The following VPS13D variants were observed in gnomAD, a reference collection of about 807,000 sequenced individuals.
VPS13D encodes the protein intermembrane lipid transfer protein VPS13D.
In VPS13D, 187 loss-of-function variants were observed where a neutral mutation model predicts 461.9. The ratio of observed to expected loss-of-function variants is 0.40; its 90% CI spans 0.36 to 0.46. VPS13D has a LOEUF of 0.46. VPS13D is among the 20% of genes least tolerant of loss of function. The probability of loss-of-function intolerance (pLI) is 0.60; values close to 1 mark genes in which losing one functional copy is unlikely to be tolerated. For synonymous variants in VPS13D, 1,951 were observed against 1,986.3 expected, an observed-to-expected ratio of 0.98 and a Z score of 0.47; for missense variants, 4,711 against 5,364.9, an observed-to-expected ratio of 0.88 and a Z score of 3.81.
rs1465065848 is a variant in VPS13D at position 12,368,519 on chromosome 1, A to G, written c.10500A>G (p.Gly3500=). 5.0e-6 allele frequency: 8 copies of G among 1,613,830 alleles called. No homozygotes were observed. The East Asian group carries it at 1.3e-4, about 27-fold the overall frequency. The part of the protein sequence containing the change: ...FFLRVEITLR[G]ATYRISFSDT... ...TACGAGTGGAAATTACTCTCCGAGG[A>G]GCTACGTATAGGATCTCATTTAGTG... The change falls in exon 53 of 70, where the codon GGA becomes GGG. Residue 3500 remains glycine (G), a synonymous_variant. Transcript: ENST00000620676.
chr1:12,300,289 C>T (rs1642388629), intron 25 of VPS13D, among the ~76,000 whole-genome samples: 1 of 146,772 alleles, frequency 6.8e-6, no homozygotes, highest in South Asian at 2.1e-4. Flanking sequence ...CTCACTGTGA[C>T]CTCCGTCTCC....
chr1:12,424,725 C>G (rs79917547), intron 65 of VPS13D, among the ~76,000 whole-genome samples: 1 of 152,132 alleles, frequency 6.6e-6, no homozygotes, highest in Non-Finnish European at 1.5e-5. Context: ...AGAAAAAGTT[C>G]AGAACTTCTT....
At chr1:12,381,498 C>G (rs1431599298) in intron 57 of VPS13D, among the ~76,000 whole-genome samples, 1 of 152,194 alleles carries the variant, frequency 6.6e-6, no homozygotes, top group Non-Finnish European at 1.5e-5. Flanking sequence ...CTAAATATGG[C>G]CTGAGAAGGA....
chr1:12,501,683 T>C (rs1166528556), intron 68 of VPS13D, among the ~76,000 whole-genome samples: 1 of 152,248 alleles, frequency 6.6e-6, no homozygotes, highest in Non-Finnish European at 1.5e-5. Context: ...ATTTCCTCTG[T>C]CCTCAGTGCG....
intron 67 of VPS13D, among the ~76,000 whole-genome samples, chr1:12,488,436 G>A (rs1260120053): frequency 6.6e-6 from 1 of 152,086 alleles, no homozygotes; most frequent in African/African-American, 2.4e-5. Context: ...TTCAGCCTGT[G>A]TTTGTCTTTT....
chr1:12,487,948 G>A (rs12562441), intron 67 of VPS13D, among the ~76,000 whole-genome samples: 8,215 of 152,256 alleles, frequency 0.054, 420 homozygotes, highest in African/African-American at 0.12. Context: ...GATATCTGGT[G>A]TAATTCATTG....
chr1:12,475,931 C>T (rs1386050441), intron 67 of VPS13D, among the ~76,000 whole-genome samples: 1 of 151,862 alleles, frequency 6.6e-6, no homozygotes, highest in Non-Finnish European at 1.5e-5. Context: ...TTGACAGAGG[C>T]ATTTTGTACA....
intron 60 of VPS13D, among the ~76,000 whole-genome samples, chr1:12,394,344 A>AT (rs1434005703): frequency 6.6e-6 from 1 of 152,114 alleles, no homozygotes; most frequent in African/African-American, 2.4e-5. Context: ...TAGGAACACC[A>AT]TGATTAATTA....
intron 65 of VPS13D, among the ~76,000 whole-genome samples, chr1:12,454,692 G>A (rs1570206141): frequency 1.3e-5 from 2 of 152,160 alleles, no homozygotes; most frequent in African/African-American, 2.4e-5. Flanking sequence ...TGTGTAACAC[G>A]CACCCTAACC....
intron 16 of VPS13D, among the ~76,000 whole-genome samples, chr1:12,269,653 G>A (rs1641376020): frequency 6.6e-6 from 1 of 152,118 alleles, no homozygotes; most frequent in African/African-American, 2.4e-5. Flanking sequence ...GCCTCCGTTT[G>A]TTCTCCAAGA....
At chr1:12,433,949 A>AGAGAGAGAGAGAGAGAGAGAGAGAGAGT (rs1553121770) in intron 65 of VPS13D, among the ~76,000 whole-genome samples, 13 of 144,922 alleles carry the variant, frequency 9.0e-5, no homozygotes, top group African/African-American at 3.3e-4. Context: ...AGAGAGAGAG[A>AGAGAGAGAGAGAGAGAGAGAGAGAGAGT]GTGTGTGTGT....
intron 16 of VPS13D, among the ~76,000 whole-genome samples, chr1:12,270,219 G>T (rs1381818943): frequency 6.6e-6 from 1 of 152,060 alleles, no homozygotes; most frequent in African/African-American, 2.4e-5. Flanking sequence ...CACTTTGGGA[G>T]GCTGAGGCAG....
At position 12,509,374 on chromosome 1, in the gene VPS13D, G is replaced by A. The variant is rs537338974; in HGVS notation, c.*350G>A. On this transcript the variant is annotated 3_prime_UTR_variant, in exon 70 of 70. Transcript: ENST00000620676. Reference sequence around the variant, plus strand: ...ATATATAGGAACGTTTCTGAACAGGGTCTGTGCTATGTGTAAAGGTTTGTT... The same window carrying A: ...ATATATAGGAACGTTTCTGAACAGGATCTGTGCTATGTGTAAAGGTTTGTT... 7.9e-4 allele frequency: 153 copies of A among 193,348 alleles called. No individual in the cohort carries two copies. The highest frequency in any genetic ancestry group is 1.6e-3 in the South Asian group (12 of 7,278). 12.0% of individuals were successfully genotyped at this position (193,348 alleles called of 1,614,324 possible). A position where few individuals can be genotyped will look rare whatever the true frequency, so the allele number is the denominator to read the frequency against.
rs745985643 is a variant in VPS13D, at chr1:12,327,813, G to T, written c.8156G>T (p.Cys2719Phe). 30 of 1,614,142 alleles carry T rather than the reference G, an allele frequency of 1.9e-5. No homozygotes were observed. The highest frequency in any genetic ancestry group is 2.5e-5 in the Non-Finnish European group (30 of 1,180,036). Residue 2719 changes from cysteine to phenylalanine, a missense_variant, in exon 36 of 70, where the codon TGC becomes TTC. Physicochemically the swap from Cys to Phe is radical, Grantham distance 205 (BLOSUM62 -2). Around this residue, in one of 3 missense-constraint regions of VPS13D, gnomAD observed 4,411 missense variants for 4,937.8 expected, o/e 0.89. Coordinates refer to ENST00000620676, the MANE Select transcript of VPS13D (RefSeq NM_015378.4). ...ESVCICFIDD[C>F]MDCDVPLAEL... is the part of the protein sequence containing the mutation. ...GTGTGCATCTGTTTCATCGATGACTGCATGGATTGTGATGTTCCTCTCGCT... is the reference window on the plus strand; with the variant it reads ...GTGTGCATCTGTTTCATCGATGACTTCATGGATTGTGATGTTCCTCTCGCT...
rs769477629 is a variant in VPS13D at position 12,288,265 on chromosome 1, C to G, written c.5677C>G (p.Leu1893Val). The G allele has an allele frequency of 6.2e-7, 1 of 1,614,124 alleles. No homozygotes were observed. The highest frequency in any genetic ancestry group is 8.5e-7 in the Non-Finnish European group (1 of 1,179,964). ...AGTGCTGAATAAGACCACCAGTGAG[C>G]TTGCCAAAGCAAATGTGTCCAAATT... ...SLVLNKTTSE[L>V]AKANVSKLVA... is the part of the protein sequence containing the mutation. Residue 1893 changes from leucine (L) to valine (V), a missense_variant, in exon 22 of 70, where the codon CTT (leucine) becomes GTT (valine). Around this residue, in one of 3 missense-constraint regions of VPS13D, gnomAD observed 4,411 missense variants for 4,937.8 expected, o/e 0.89. Transcript: ENST00000620676.
In VPS13D at chr1:12,378,539, G is replaced by C. The variant is rs370876913; in HGVS notation, c.11029G>C (p.Glu3677Gln). 2 of 1,610,908 alleles carry C rather than the reference G, an allele frequency of 1.2e-6. No individual in the cohort carries two copies. The highest frequency in any genetic ancestry group is 1.3e-5 in the African/African-American group (1 of 74,730). Residue 3677 changes from glutamate (E) to glutamine (Q), a missense_variant, in exon 56 of 70, where the codon GAG (glutamate) becomes CAG (glutamine). Physicochemically the swap from Glu to Gln is conservative, Grantham distance 29 (BLOSUM62 2). Coordinates refer to ENST00000620676, the MANE Select transcript of VPS13D (RefSeq NM_015378.4). ...TAAGCCCTCAGCCGCCCGCTCCACC[G>C]AGGGGTCTGCCATCTTAGATATTGC... ...PNKPSAARSTEGSAILDIAGL... is the reference protein window; with the variant it reads ...PNKPSAARSTQGSAILDIAGL...
intron 6 of VPS13D, among the ~76,000 whole-genome samples, chr1:12,250,595 GTTTTGAGCCCTTTT>G (rs1052889531): frequency 6.6e-6 from 1 of 152,160 alleles, no homozygotes; most frequent in Non-Finnish European, 1.5e-5. Context: ...AACAATAACA[GTTTTGAGCCCTTTT>G]ATATGGCAGG....
At chr1:12,463,099 G>C (rs1645433530) in intron 67 of VPS13D, among the ~76,000 whole-genome samples, 1 of 152,128 alleles carries the variant, frequency 6.6e-6, no homozygotes, top group Non-Finnish European at 1.5e-5. Context: ...AAGTTTAACT[G>C]CAAGTTTCAT....
At chr1:12,397,542 C>T (rs1293735686) in intron 60 of VPS13D, among the ~76,000 whole-genome samples, 1 of 152,142 alleles carries the variant, frequency 6.6e-6, no homozygotes, top group Non-Finnish European at 1.5e-5. Context: ...TTCATTCATT[C>T]AGTCCATTCT....
Sources: gnomAD v4.1 joint callset for allele counts (sites outside exome capture counted in the v4.1 genomes callset) on GRCh38, gnomAD v4.1.1 for gene constraint, gnomAD v4.1.1 regional missense constraint, MANE v1.5 for transcripts, NCBI Gene and HGNC (gene_info 2026-07-23, HGNC 2026-07-21) for gene names.